Variants in LDB3 observed in about 807,000 individuals in gnomAD.
LDB3 encodes LIM domain-binding protein 3.
Under a neutral mutation model 69.0 loss-of-function variants are expected in LDB3, and 49 were observed. The observed-to-expected ratio is 0.71, with a 90% CI of 0.56 to 0.90. LDB3 has a LOEUF of 0.90. Ranked by LOEUF, LDB3 falls within the 40% of genes least tolerant of loss-of-function variation. The pLI, the probability that LDB3 is intolerant of heterozygous loss-of-function variation, is 0.00. For synonymous variants in LDB3, 387 were observed against 396.2 expected, an observed-to-expected ratio of 0.98 and a Z score of 0.28; for missense variants, 928 against 974.1, an observed-to-expected ratio of 0.95 and a Z score of 0.63.
rs1032675278 is a variant in LDB3 at position 86,672,242 on chromosome 10, G to A, written c.93+3458G>A. Among the ~76,000 whole-genome samples the A allele has an allele frequency of 2.0e-5, 3 of 152,250 alleles. No individual in the cohort carries two copies. In the East Asian group the frequency reaches 5.8e-4, roughly 29 times the overall value. On this transcript the variant is annotated intron_variant, in intron 2 of 13. Transcript: ENST00000361373. ...GGTTGTGAGACTGGTGGAGTCGGGG[G>A]CTGAGCCTGGGCCCAGGAGGGGCCT...
At position 86,716,563 on chromosome 10, in the gene LDB3, T is replaced by G; in HGVS notation, c.1468T>G (p.Trp490Gly). The G allele has an allele frequency of 6.2e-7, 1 of 1,613,092 alleles. No individual in the cohort carries two copies. ...TGCGGAGCCTGCCAGCCGTCCACCC[T>G]GGGTGACAGATGATAGCTTCTCCCA... The part of the protein sequence containing the change: ...GPAEPASRPP[W>G]VTDDSFSQKF... The change falls in exon 10 of 14, where the codon TGG (tryptophan) becomes GGG (glycine). Residue 490 changes from tryptophan (W) to glycine (G), a missense_variant. Physicochemically the swap from Trp to Gly is radical, Grantham distance 184. Coordinates refer to ENST00000361373, the MANE Select transcript of LDB3 (RefSeq NM_007078.3).
upstream of LDB3, among the ~76,000 whole-genome samples, chr10:86,667,623 G>A (rs538156350): frequency 1.1e-4 from 17 of 152,298 alleles, no homozygotes; most frequent in African/African-American, 2.9e-4. Context: ...CCATTCCTGC[G>A]CAAAGGGCAC....
intron 13 of LDB3, among the ~76,000 whole-genome samples, chr10:86,730,707 T>C (rs373002197): frequency 9.2e-5 from 14 of 152,318 alleles, no homozygotes; most frequent in East Asian, 7.7e-4. Flanking sequence ...ACCTACCTTA[T>C]AAGGTTTTCA....
rs1006344905 is a variant in LDB3, at chr10:86,735,253, A to AAAC, written c.*2279_*2280insCAA. 6 of 151,426 alleles carry AAAC rather than the reference A, an allele frequency of 4.0e-5. No individual in the cohort carries two copies. The highest frequency in any genetic ancestry group is 1.5e-4 in the African/African-American group (6 of 41,192). The allele number at this position is 151,426 out of a possible 1,614,324, so 9.4% of individuals were successfully genotyped here. On this transcript the variant is annotated 3_prime_UTR_variant, in exon 14 of 14. Coordinates refer to ENST00000361373, the MANE Select transcript of LDB3 (RefSeq NM_007078.3). ...TTTGCCAAAAAGACAAAACTAGCAA[A>AAAC]AAAAAAACAAAAAAACAAAAAAAAA...
chr10:86,699,693 A>G lies in LDB3; in HGVS notation c.897-6838A>G, dbSNP rs1171027596. 2.5e-6 allele frequency: 3 copies of G among 1,209,612 alleles called. No homozygotes were observed. Among genetic ancestry groups the G allele is most frequent in the East Asian group, 4.7e-5 (1 of 21,370 alleles). 74.9% of individuals were successfully genotyped at this position (1,209,612 alleles called of 1,614,324 possible). A position where few individuals can be genotyped will look rare whatever the true frequency, so the allele number is the denominator to read the frequency against. ...GAGAGGGCAGGAGGGGTTTGCTGGC[A>G]TAACACCCCAGAACCAAGGGAAATG... On this transcript the variant is annotated intron_variant, in intron 7 of 13. Transcript: ENST00000361373. This position sits in a 1 kb window ranked among gnomAD's most constrained non-coding sequence, Gnocchi z 4.9.
chr10:86,728,389 C>A (rs922393895), intron 13 of LDB3, among the ~76,000 whole-genome samples: 2 of 152,094 alleles, frequency 1.3e-5, no homozygotes, highest in African/African-American at 2.4e-5. Context: ...AGAGAGAGAC[C>A]AGAAGAAGGC....
chr10:86,674,332 C>T (rs1207115465), intron 2 of LDB3, among the ~76,000 whole-genome samples: 5 of 152,192 alleles, frequency 3.3e-5, no homozygotes, highest in South Asian at 2.1e-4. Flanking sequence ...GTCAGGGGCC[C>T]GGCCCATACT....
chr10:86,681,997 G>A lies in LDB3; in HGVS notation c.689+194G>A, dbSNP rs374710421. Among the ~76,000 whole-genome samples, 19 of 152,334 alleles carry A rather than the reference G, an allele frequency of 1.2e-4. No homozygotes were observed. The East Asian group carries it at 1.7e-3, about 14-fold the overall frequency. On this transcript the variant is annotated intron_variant, in intron 5 of 13. Coordinates refer to ENST00000361373, the MANE Select transcript of LDB3 (RefSeq NM_007078.3). ...GCTAGCGATTTATACAACCAACCAC[G>A]CTGGGGTGACATGTCGGATTTTGCA...
At chr10:86,671,474 G>T (rs913442357) in intron 2 of LDB3, among the ~76,000 whole-genome samples, 16 of 152,280 alleles carry the variant, frequency 1.1e-4, no homozygotes, top group South Asian at 6.2e-4. Flanking sequence ...CACAGAGAAG[G>T]GAGTTCAAGA....
At chr10:86,696,278 G>A (rs1024607356) in intron 7 of LDB3, among the ~76,000 whole-genome samples, 17 of 152,038 alleles carry the variant, frequency 1.1e-4, no homozygotes, top group African/African-American at 3.1e-4. Flanking sequence ...GGGTGCCCCC[G>A]CCAATGGGCC....
At chr10:86,724,536 G>A (rs12219020) in intron 12 of LDB3, among the ~76,000 whole-genome samples, 26 of 149,174 alleles carry the variant, frequency 1.7e-4, no homozygotes, top group East Asian at 5.9e-4. Flanking sequence ...CCCAGGAGGC[G>A]GAGGTTGCAG....
intron 5 of LDB3, among the ~76,000 whole-genome samples, chr10:86,690,831 C>A (rs1226505051): frequency 3.3e-5 from 5 of 152,238 alleles, no homozygotes; most frequent in Non-Finnish European, 7.3e-5. Flanking sequence ...GGACACAGGG[C>A]TAGCAGCCAG....
At chr10:86,683,819 G>A (rs1445101243) in intron 5 of LDB3, among the ~76,000 whole-genome samples, 2 of 152,220 alleles carry the variant, frequency 1.3e-5, no homozygotes, top group South Asian at 2.1e-4. Flanking sequence ...GCTAATCCCC[G>A]TGCTTATCCA....
chr10:86,693,005 C>T (rs557414232), intron 7 of LDB3, among the ~76,000 whole-genome samples: 19 of 152,266 alleles, frequency 1.2e-4, no homozygotes, highest in African/African-American at 1.7e-4. Flanking sequence ...TGGACGTGAA[C>T]GCCTGACCCC....
intron 7 of LDB3, among the ~76,000 whole-genome samples, chr10:86,703,984 C>T (rs993139919): frequency 6.6e-6 from 1 of 152,080 alleles, no homozygotes; most frequent in Non-Finnish European, 1.5e-5. Flanking sequence ...CATGGTGGCT[C>T]ATGCCTGTAA....
intron 12 of LDB3, among the ~76,000 whole-genome samples, chr10:86,722,503 G>A (rs530130784): frequency 1.2e-4 from 17 of 144,666 alleles, no homozygotes; most frequent in Admixed American, 2.9e-4. Flanking sequence ...CTCGTGATCC[G>A]CCCACCTTGG....
chr10:86,686,076 T>A (rs1477861940), intron 5 of LDB3, among the ~76,000 whole-genome samples: 1 of 152,168 alleles, frequency 6.6e-6, no homozygotes, highest in Non-Finnish European at 1.5e-5. Context: ...AGGGCTGCAC[T>A]GGATCTTGTC....
Position 86,681,713 on chromosome 10 carries a change from G to T in LDB3, c.599G>T (p.Gly200Val). 1 of 1,613,060 alleles carries T rather than the reference G, an allele frequency of 6.2e-7. No homozygotes were observed. Among genetic ancestry groups the T allele is most frequent in the Non-Finnish European group, 8.5e-7 (1 of 1,179,524 alleles). Residue 200 changes from glycine to valine, a missense_variant, in exon 5 of 14, where the codon GGC becomes GTC. By Grantham distance (109) the Gly-to-Val change is moderately radical. Coordinates refer to ENST00000361373, the MANE Select transcript of LDB3 (RefSeq NM_007078.3). ...CCGAGGCAATATAACAACCCCATTG[G>T]CCTGTACTCGGCAGAGACCCTGAGG... Reference protein sequence around the residue: ...SQPRQYNNPIGLYSAETLREM... With the variant: ...SQPRQYNNPIVLYSAETLREM...
intron 7 of LDB3, among the ~76,000 whole-genome samples, chr10:86,694,408 G>A (rs555423488): frequency 6.6e-4 from 101 of 152,268 alleles, no homozygotes; most frequent in African/African-American, 2.3e-3. Flanking sequence ...CCCCAGCTAC[G>A]GCAGGGTTTC....
Sources: allele counts gnomAD v4.1 joint callset (sites outside exome capture counted in the v4.1 genomes callset), GRCh38; gene constraint gnomAD v4.1.1; non-coding constraint Gnocchi (gnomAD v3.1); transcripts MANE v1.5; gene names NCBI Gene and HGNC (gene_info 2026-07-23, HGNC 2026-07-21).